CEP128: variants seen among roughly 807,000 people sequenced by gnomAD.
The protein encoded by CEP128 is centrosomal protein 128, also known as centrosomal protein 128kDa.
In CEP128, 132 loss-of-function variants were observed where a neutral mutation model predicts 156.7. That is an observed-to-expected ratio of 0.84 (90% CI 0.73 to 0.97). CEP128 has a LOEUF of 0.97. Among genes scored for constraint, CEP128 ranks in the 50% least tolerant of loss-of-function variants. CEP128 has a pLI of 0.00. For synonymous variants in CEP128, 469 were observed against 448.9 expected (o/e 1.04, Z -0.57); for missense variants, 1,252 against 1,281.9 (o/e 0.98, Z 0.36).
Position 80,522,621 on chromosome 14 carries a change from A to G in CEP128, c.3072+4248T>C, listed in dbSNP as rs1346881401. On this transcript the variant is annotated intron_variant, in intron 23 of 24. Transcript: ENST00000555265. ...AAAAATTCCAATGTTAATTAAAACC[A>G]TATATTTAGTATGGGTAAAGGTAAT... 3.3e-5 allele frequency among the ~76,000 whole-genome samples: 5 copies of G among 152,254 alleles called. No homozygotes were observed. In the East Asian group the frequency reaches 7.7e-4, roughly 23 times the overall value.
At chr14:80,881,736 AT>A (rs1306902814) in intron 8 of CEP128, among the ~76,000 whole-genome samples, 1 of 152,210 alleles carries the variant, frequency 6.6e-6, no homozygotes, top group Non-Finnish European at 1.5e-5. Flanking sequence ...ACCAAGTGGG[AT>A]TTAGCCCAGA....
chr14:80,584,302 C>T (rs142399695), intron 19 of CEP128, among the ~76,000 whole-genome samples: 5 of 151,976 alleles, frequency 3.3e-5, no homozygotes, highest in South Asian at 4.2e-4. Flanking sequence ...CCAGCCAGCA[C>T]GCCTGGCTAC....
chr14:80,497,771 C>T (rs1195908874), intron 24 of CEP128, among the ~76,000 whole-genome samples, 189 bp from the exon 25 acceptor site: 1 of 152,010 alleles, frequency 6.6e-6, no homozygotes, highest in African/African-American at 2.4e-5. Flanking sequence ...TTAAAAAAAA[C>T]ACGAGAATTA....
intron 16 of CEP128, among the ~76,000 whole-genome samples, chr14:80,774,093 G>A (rs949850862): frequency 1.8e-4 from 27 of 152,284 alleles, no homozygotes; most frequent in African/African-American, 6.3e-4. Context: ...CTGAATACAT[G>A]AGGAAAATAT....
chr14:80,728,678 ATTG>A (rs1898112189), intron 19 of CEP128, among the ~76,000 whole-genome samples: 1 of 152,090 alleles, frequency 6.6e-6, no homozygotes, highest in South Asian at 2.1e-4. Flanking sequence ...ATTGATTCTT[ATTG>A]TTAACGTATT....
At chr14:80,914,449 T>C (rs1417543543) in intron 3 of CEP128, 41 bp from the exon 4 acceptor site, 2 of 1,439,356 alleles carry the variant, frequency 1.4e-6, no homozygotes, top group Non-Finnish European at 2.0e-6. Flanking sequence ...TTCCAAATAC[T>C]TTTTTTTCCT....
At chr14:80,477,185 T>C (rs1163345876) in exon 15 of CEP128, 1 of 152,106 alleles carries the variant, frequency 6.6e-6, no homozygotes. Context: ...CCTAAAATAA[T>C]GTAAACCTTA....
chr14:80,714,311 T>C (rs916153948), intron 19 of CEP128, among the ~76,000 whole-genome samples: 5 of 151,070 alleles, frequency 3.3e-5, no homozygotes, highest in African/African-American at 1.2e-4. Flanking sequence ...CACACACACA[T>C]ACACACACAC....
At chr14:80,729,784 T>C (rs553387051) in intron 19 of CEP128, among the ~76,000 whole-genome samples, 123 of 152,340 alleles carry the variant, frequency 8.1e-4, no homozygotes, top group African/African-American at 2.8e-3. Context: ...AAGATAGGTA[T>C]TTAATTGAAA....
chr14:80,934,130 C>G (rs1186752975), intron 2 of CEP128, among the ~76,000 whole-genome samples: 1 of 152,156 alleles, frequency 6.6e-6, no homozygotes, highest in East Asian at 1.9e-4. Context: ...GACACACTTC[C>G]CCCACCCTCT....
chr14:80,785,016 A>C lies in CEP128; in HGVS notation c.2090T>G (p.Leu697Arg), dbSNP rs760239245. 6.8e-6 allele frequency: 11 copies of C among 1,614,162 alleles called. No homozygotes were observed. The highest frequency in any genetic ancestry group is 9.3e-6 in the Non-Finnish European group (11 of 1,180,004). Reference protein sequence around the residue: ...KLERDVHQRELKDLTSSLQSV... With the variant: ...KLERDVHQRERKDLTSSLQSV... Reference sequence around the variant, plus strand: ...CTGCAATGATGATGTGAGATCTTTCAGCTCCCTCTGGTGCACATCTCGTTC... The same window carrying C: ...CTGCAATGATGATGTGAGATCTTTCCGCTCCCTCTGGTGCACATCTCGTTC... Residue 697 changes from leucine (L) to arginine (R), a missense_variant, in exon 15 of 25, where the codon CTG becomes CGG. Physicochemically the swap from Leu to Arg is moderately radical, Grantham distance 102. Coordinates refer to ENST00000555265, the MANE Select transcript of CEP128 (RefSeq NM_152446.5).
intron 8 of CEP128, among the ~76,000 whole-genome samples, chr14:80,874,657 G>A (rs530027984): frequency 7.6e-4 from 115 of 152,158 alleles, no homozygotes; most frequent in African/African-American, 2.1e-3. Flanking sequence ...TCGCTCTGTC[G>A]CCCAGGCTGG....
chr14:80,638,131 T>A (rs1894263881), intron 19 of CEP128, among the ~76,000 whole-genome samples: 1 of 152,216 alleles, frequency 6.6e-6, no homozygotes. Flanking sequence ...GGATTTCTAA[T>A]CATCTCTTTC....
At chr14:80,959,074 T>A (rs546869711) in intron 1 of CEP128, among the ~76,000 whole-genome samples, 1 of 152,262 alleles carries the variant, frequency 6.6e-6, no homozygotes, top group South Asian at 2.1e-4. Flanking sequence ...ACTACCCATA[T>A]CCCAGCCCCG....
intron 2 of CEP128, among the ~76,000 whole-genome samples, chr14:80,922,347 C>T (rs1352290546): frequency 6.6e-6 from 1 of 152,174 alleles, no homozygotes; most frequent in East Asian, 1.9e-4. Flanking sequence ...CTATTTCATA[C>T]TGAAGAGCAT....
chr14:80,921,522 G>A (rs779070041), intron 2 of CEP128, among the ~76,000 whole-genome samples: 3 of 152,022 alleles, frequency 2.0e-5, no homozygotes, highest in Non-Finnish European at 2.9e-5. Flanking sequence ...CCCAGTTTCA[G>A]GTATTCTCTT....
chr14:80,952,722 C>T (rs1426589572), intron 2 of CEP128, among the ~76,000 whole-genome samples: 1 of 151,804 alleles, frequency 6.6e-6, no homozygotes, highest in Non-Finnish European at 1.5e-5. Flanking sequence ...AAATTTGCTT[C>T]TTTGAGAATA....
At chr14:80,564,801 G>A (rs1401550607) in intron 20 of CEP128, among the ~76,000 whole-genome samples, 11 of 152,210 alleles carry the variant, frequency 7.2e-5, no homozygotes, top group Non-Finnish European at 1.5e-5. Flanking sequence ...GCTCACGCCT[G>A]TAATTCCAGC....
At chr14:80,854,315 C>A (rs1465889271) in intron 9 of CEP128, among the ~76,000 whole-genome samples, 3 of 151,984 alleles carry the variant, frequency 2.0e-5, no homozygotes, top group Non-Finnish European at 4.4e-5. Context: ...TACATTGGAA[C>A]CATGTCAGCT....
Sources: allele counts gnomAD v4.1 joint callset (sites outside exome capture counted in the v4.1 genomes callset), GRCh38; gene constraint gnomAD v4.1.1; transcripts MANE v1.5; gene names NCBI Gene and HGNC (gene_info 2026-07-23, HGNC 2026-07-21).